Variants in RTKN observed in about 807,000 individuals in gnomAD.
RTKN encodes the protein rhotekin.
Under a neutral mutation model 63.5 loss-of-function variants are expected in RTKN, and 49 were observed. That is an observed-to-expected ratio of 0.77 (90% confidence interval 0.61 to 0.98). The LOEUF is 0.98. Ranked by LOEUF, RTKN falls within the 50% of genes least tolerant of loss-of-function variation. The pLI, the probability that RTKN is intolerant of heterozygous loss-of-function variation, is 0.00. For synonymous variants in RTKN, 295 were observed against 290.4 expected, an observed-to-expected ratio of 1.02 and a Z score of -0.16; for missense variants, 685 against 740.8, an observed-to-expected ratio of 0.92 and a Z score of 0.87.
intron 1 of RTKN, chr2:74,440,395 G>A: frequency 1.0e-6 from 1 of 986,554 alleles, no homozygotes; most frequent in Non-Finnish European, 1.2e-6. Flanking sequence ...GAGGAAGGCA[G>A]GGGTGTGCCT....
At position 74,426,003 on chromosome 2, in the gene RTKN, C is replaced by T. The variant is rs564584927; in HGVS notation, c.*240G>A. 212 of 642,228 alleles carry T rather than the reference C, an allele frequency of 3.3e-4. 1 individual carries two copies. The highest frequency in any genetic ancestry group is 5.4e-4 in the Non-Finnish European group (202 of 376,146). The allele number at this position is 642,228 out of a possible 1,614,324, so 39.8% of individuals were successfully genotyped here. On this transcript the variant is annotated 3_prime_UTR_variant, in exon 12 of 12. Coordinates refer to ENST00000272430, the MANE Select transcript of RTKN (RefSeq NM_001015055.2). ...CAGGGAGGTAGGGCAGAGTTGGTTC[C>T]AGTTTTCTTCCAGGAAGGGTTTAGG...
At chr2:74,435,589 C>A (rs1671011673) in intron 1 of RTKN, among the ~76,000 whole-genome samples, 1 of 152,164 alleles carries the variant, frequency 6.6e-6, no homozygotes, top group Non-Finnish European at 1.5e-5. Flanking sequence ...CAAGAAACAG[C>A]CTCTGTTTGC....
rs1319476603 is a variant in RTKN at position 74,430,516 on chromosome 2, G to A, written c.376C>T (p.Leu126Phe). 2 of 1,614,202 alleles carry A rather than the reference G, an allele frequency of 1.2e-6. No individual in the cohort carries two copies. The highest frequency in any genetic ancestry group is 3.3e-5 in the Admixed American group (2 of 60,030). Residue 126 changes from leucine to phenylalanine, a missense_variant and splice_region_variant, in exon 4 of 12, where the codon CTC (leucine) becomes TTC (phenylalanine). Transcript: ENST00000272430. ...PCRGRVCISD[L>F]RIPLMWKDTE... ...TCCTTCCACATGAGTGGAATCCGGA[G>A]GTCTAAGGGGCAGAGGGGTAAGAAT... is the stretch of plus-strand genomic sequence containing the variant.
chr2:74,432,386 A>T (rs754768629), intron 2 of RTKN, 81 bp downstream of exon 2: 2 of 1,322,960 alleles, frequency 1.5e-6, no homozygotes, highest in Non-Finnish European at 2.2e-6. Flanking sequence ...GGTGGTCCAC[A>T]TGCCACACAC....
At chr2:74,433,994 G>GAT (rs1004864334) in intron 1 of RTKN, among the ~76,000 whole-genome samples, 24 of 151,610 alleles carry the variant, frequency 1.6e-4, no homozygotes, top group African/African-American at 4.4e-4. Flanking sequence ...ATTTGTGCAT[G>GAT]ATATATATAT....
At chr2:74,440,677 G>T in intron 1 of RTKN, 2 of 631,880 alleles carry the variant, frequency 3.2e-6, no homozygotes, top group Non-Finnish European at 3.9e-6. Context: ...CTGGCCCCAC[G>T]CGGGTTCCTC....
At chr2:74,434,812 A>AC (rs1573258153) in intron 1 of RTKN, among the ~76,000 whole-genome samples, 1 of 152,204 alleles carries the variant, frequency 6.6e-6, no homozygotes, top group East Asian at 1.9e-4. Flanking sequence ...ATCAGGCCCT[A>AC]CCTAAGATTT....
At position 74,429,873 on chromosome 2, in the gene RTKN, C is replaced by A; in HGVS notation, c.710G>T (p.Gly237Val). ...RRVRASLDSAGGSGSSPILLP... is the reference protein window; with the variant it reads ...RRVRASLDSAVGSGSSPILLP... ...CAAGATGGGACTGCTCCCTGAACCC[C>A]CAGCACTGTCCAGCGATGCCCGGAC... Residue 237 changes from glycine to valine, a missense_variant, in exon 6 of 12, where the codon GGG becomes GTG. Physicochemically the swap from Gly to Val is moderately radical, Grantham distance 109. Transcript: ENST00000272430. The A allele has an allele frequency of 6.2e-7, 1 of 1,614,188 alleles. No homozygotes were observed. Among genetic ancestry groups the A allele is most frequent in the East Asian group, 2.2e-5 (1 of 44,888 alleles).
intron 11 of RTKN, chr2:74,426,835 A>C: frequency 7.4e-7 from 1 of 1,347,370 alleles, no homozygotes; most frequent in Non-Finnish European, 9.5e-7. Flanking sequence ...GAAGAAACCA[A>C]GAGGAGAAAA....
chr2:74,438,626 G>C (rs1430820207), intron 1 of RTKN, among the ~76,000 whole-genome samples: 2 of 152,160 alleles, frequency 1.3e-5, no homozygotes, highest in African/African-American at 4.8e-5. Context: ...CTGCCCATCA[G>C]CTCCACCCCA....
rs769711104 is a variant in RTKN, at chr2:74,428,619, G to C, written c.957+12C>G. 1 of 1,607,938 alleles carries C rather than the reference G, an allele frequency of 6.2e-7. No homozygotes were observed. The highest frequency in any genetic ancestry group is 1.7e-5 in the Admixed American group (1 of 59,562). ...TCTCCCTGCTCCCTTCCACTCCTCA[G>C]GGCCCCCTCACCTGCACCCTGAGGG... On this transcript the variant is annotated intron_variant, in intron 8 of 11. Coordinates refer to ENST00000272430, the MANE Select transcript of RTKN (RefSeq NM_001015055.2).
chr2:74,429,931 T>C lies in RTKN; in HGVS notation c.652A>G (p.Ser218Gly), dbSNP rs1670644466. The stretch of plus-strand genomic sequence containing the variant: ...CCTGAGGAGCGGCCCAGGGAGCTGC[T>C]GAGTTTGGTGGCAAGCCTCTTGGGG... ...GGPKRLATKL[S>G]SSLGRSSGRR... Residue 218 changes from serine (S) to glycine (G), a missense_variant, in exon 6 of 12, where the codon AGC (serine) becomes GGC (glycine). Physicochemically the swap from Ser to Gly is moderately conservative, Grantham distance 56. Coordinates refer to ENST00000272430, the MANE Select transcript of RTKN (RefSeq NM_001015055.2). 1 of 1,614,200 alleles carries C rather than the reference T, an allele frequency of 6.2e-7. No individual in the cohort carries two copies. The highest frequency in any genetic ancestry group is 8.5e-7 in the Non-Finnish European group (1 of 1,180,020).
At position 74,428,675 on chromosome 2, in the gene RTKN, G is replaced by A; in HGVS notation, c.913C>T (p.Leu305Phe). 6.2e-7 allele frequency: 1 copy of A among 1,614,082 alleles called. No homozygotes were observed. The highest frequency in any genetic ancestry group is 8.5e-7 in the Non-Finnish European group (1 of 1,179,998). ...CTTGCAGTGGGCTGAGTCATGCAGAGAGGCTGAGCTGCCAGACGGCAACAC... is the reference window on the plus strand; with the variant it reads ...CTTGCAGTGGGCTGAGTCATGCAGAAAGGCTGAGCTGCCAGACGGCAACAC... The part of the protein sequence containing the change: ...SVCCRLAAQP[L>F]CMTQPTASGT... Residue 305 changes from leucine to phenylalanine, a missense_variant, in exon 8 of 12, where the codon CTC becomes TTC. Leu to Phe is a conservative substitution (Grantham distance 22, BLOSUM62 0). Coordinates refer to ENST00000272430, the MANE Select transcript of RTKN (RefSeq NM_001015055.2).
rs373194561 is a variant in RTKN at position 74,441,675 on chromosome 2, G to A, written c.111+31C>T. 3.2e-6 allele frequency: 5 copies of A among 1,539,294 alleles called. No individual in the cohort carries two copies. The South Asian group carries it at 4.6e-5, about 14-fold the overall frequency. ...GCTGGGGCTGCCCCCGGGAGCCGCG[G>A]AAGGGGAAGGCAGGGACGCGAGTCT... On this transcript the variant is annotated intron_variant, in intron 1 of 11. Coordinates refer to ENST00000272430, the MANE Select transcript of RTKN (RefSeq NM_001015055.2).
intron 1 of RTKN, chr2:74,440,582 C>A (rs1294281002): frequency 3.0e-6 from 3 of 985,470 alleles, no homozygotes; most frequent in Non-Finnish European, 3.6e-6. Flanking sequence ...CCGAGCTGTC[C>A]CCGAAGGCCG....
In RTKN at chr2:74,430,648, C is replaced by T. The variant is rs577726373; in HGVS notation, c.341G>A (p.Arg114His). ...GCAGACCCGGCCGCGGCAGGGGGAG[C>T]GCTCAGCGGGCGGGCCACTGTCAGA... is the stretch of plus-strand genomic sequence containing the variant. ...RPSDSGPPAE[R>H]SPCRGRVCIS... The change falls in exon 3 of 12, where the codon CGC becomes CAC. Residue 114 changes from arginine to histidine, a missense_variant. Coordinates refer to ENST00000272430, the MANE Select transcript of RTKN (RefSeq NM_001015055.2). 1.1e-5 allele frequency: 17 copies of T among 1,613,360 alleles called. No individual in the cohort carries two copies. The highest frequency in any genetic ancestry group is 7.7e-5 in the South Asian group (7 of 91,038).
Position 74,427,366 on chromosome 2 carries a change from T to C in RTKN, c.1255+58A>G, listed in dbSNP as rs1558538502. The C allele has an allele frequency of 2.5e-6, 4 of 1,607,738 alleles. 1 individual carries two copies. The highest frequency in any genetic ancestry group is 4.5e-5 in the East Asian group (2 of 44,840). On this transcript the variant is annotated intron_variant, in intron 10 of 11. Transcript: ENST00000272430. The stretch of plus-strand genomic sequence containing the variant: ...ATAATCTTGAAACAGAGGCCTTTAG[T>C]AAAAATGACAAACTCCAGTTCTTCC...
At chr2:74,430,744 G>C in intron 2 of RTKN, 67 bp from the exon 3 acceptor site, 1 of 1,477,256 alleles carries the variant, frequency 6.8e-7, no homozygotes, top group Non-Finnish European at 9.2e-7. Context: ...TGGTCCCAAC[G>C]ACTCTAGGAT....
Position 74,436,499 on chromosome 2 carries a change from G to A in RTKN, c.112-3833C>T, listed in dbSNP as rs942597064. Among the ~76,000 whole-genome samples the A allele has an allele frequency of 6.6e-6, 1 of 151,826 alleles. No individual in the cohort carries two copies. Among genetic ancestry groups the A allele is most frequent in the Non-Finnish European group, 1.5e-5 (1 of 67,998 alleles). On this transcript the variant is annotated intron_variant, in intron 1 of 11. Transcript: ENST00000272430. The surrounding 1 kb of genome is among the most constrained non-coding windows in gnomAD (Gnocchi z 4.3). ...GGCGGGACCGGACCTCCAGGAGTGC[G>A]CCCGCGCCGCCCTGGAAAAGGCTCC...
Sources: allele counts gnomAD v4.1 joint callset (sites outside exome capture counted in the v4.1 genomes callset), GRCh38; gene constraint gnomAD v4.1.1; non-coding constraint Gnocchi (gnomAD v3.1); transcripts MANE v1.5; gene names NCBI Gene and HGNC (gene_info 2026-07-23, HGNC 2026-07-21).